The following SCN8A variants were observed in gnomAD, a reference collection of about 807,000 sequenced individuals.
SCN8A encodes the protein sodium voltage-gated channel alpha subunit 8.
SCN8A carries 30 observed loss-of-function variants against 184.1 expected under a neutral mutation model. The observed-to-expected ratio is 0.16, with a 90% CI of 0.12 to 0.22. SCN8A has a LOEUF of 0.22. Ranked by LOEUF, SCN8A falls within the 10% of genes least tolerant of loss-of-function variation. SCN8A has a pLI of 1.00. For synonymous variants in SCN8A, 852 were observed against 907.0 expected (o/e 0.94, Z 1.09); for missense variants, 1,057 against 2,498.9 (o/e 0.42, Z 12.30).
intron 2 of SCN8A, among the ~76,000 whole-genome samples, chr12:51,666,812 C>T (rs769752942): frequency 6.6e-6 from 1 of 152,152 alleles, no homozygotes; most frequent in Non-Finnish European, 1.5e-5. Context: ...AAGTTGTGCA[C>T]CACGTTTTCG....
chr12:51,606,303 A>G (rs1488437574), intron 1 of SCN8A, among the ~76,000 whole-genome samples: 2 of 152,174 alleles, frequency 1.3e-5, no homozygotes, highest in Non-Finnish European at 2.9e-5. Context: ...ATTCTCCTAC[A>G]TGTGGCTAGC....
chr12:51,790,253 C>G (rs533317922), intron 24 of SCN8A, 145 bp from the exon 25 acceptor site: 1 of 538,956 alleles, frequency 1.9e-6, no homozygotes, highest in Non-Finnish European at 3.3e-6. Flanking sequence ...ATGATTATCG[C>G]GGGTCTACCC....
intron 6 of SCN8A, among the ~76,000 whole-genome samples, chr12:51,693,427 A>G (rs1666989285): frequency 6.6e-6 from 1 of 152,220 alleles, no homozygotes; most frequent in Non-Finnish European, 1.5e-5. Context: ...AAATAAATCT[A>G]GAGTCCCCCA....
intron 1 of SCN8A, among the ~76,000 whole-genome samples, chr12:51,633,526 C>G (rs1003395786): frequency 1.3e-5 from 2 of 152,232 alleles, no homozygotes; most frequent in African/African-American, 2.4e-5. Flanking sequence ...AATTCTTAAT[C>G]TAGAATATGT....
intron 1 of SCN8A, among the ~76,000 whole-genome samples, chr12:51,658,318 T>A (rs1940862251): frequency 6.6e-6 from 1 of 152,062 alleles, no homozygotes; most frequent in South Asian, 2.1e-4. Context: ...CCTGGGGAGA[T>A]CTTTCACCTT....
intron 13 of SCN8A, among the ~76,000 whole-genome samples, chr12:51,746,893 AT>A (rs1942519409): frequency 6.6e-6 from 1 of 151,998 alleles, no homozygotes; most frequent in Admixed American, 6.6e-5. Context: ...TCTTCATTGG[AT>A]TTATGTTGAT....
At chr12:51,663,790 T>A (rs1940972040) in intron 2 of SCN8A, among the ~76,000 whole-genome samples, 1 of 152,066 alleles carries the variant, frequency 6.6e-6, no homozygotes, top group South Asian at 2.1e-4. Flanking sequence ...GATTATCTTC[T>A]GAAACAAGGC....
intron 1 of SCN8A, among the ~76,000 whole-genome samples, chr12:51,656,657 C>T (rs1940827146): frequency 6.6e-6 from 1 of 152,056 alleles, no homozygotes; most frequent in South Asian, 2.1e-4. Context: ...AGGAGGATGT[C>T]TAAATGGCCA....
At chr12:51,798,680 A>G (rs1592169783) in intron 26 of SCN8A, among the ~76,000 whole-genome samples, 1 of 152,294 alleles carries the variant, frequency 6.6e-6, no homozygotes, top group South Asian at 2.1e-4. Flanking sequence ...GCCTGGGGAA[A>G]GAGGCTGAGT....
At position 51,795,782 on chromosome 12, in the gene SCN8A, G is replaced by A. The variant is rs671255; in HGVS notation, c.4795+1141G>A. The stretch of plus-strand genomic sequence containing the variant: ...AATTCTGGGCCGGGTGCAGTGGCGC[G>A]TGCCTGTAATCCCAGCACTTTGGGA... On this transcript the variant is annotated intron_variant, in intron 26 of 26. Coordinates refer to ENST00000627620, the MANE Select transcript of SCN8A (RefSeq NM_001330260.2). Among the ~76,000 whole-genome samples the A allele has an allele frequency of 0.62, 93,663 of 151,868 alleles. 31,414 individuals carry two copies. Among genetic ancestry groups the A allele is most frequent in the Non-Finnish European group, 0.76 (51,384 of 67,956 alleles).
At chr12:51,730,812 C>T (rs1490847306) in intron 12 of SCN8A, among the ~76,000 whole-genome samples, 1 of 152,198 alleles carries the variant, frequency 6.6e-6, no homozygotes, top group Non-Finnish European at 1.5e-5. Context: ...TACTTTCTAA[C>T]AATTTTTTTT....
intron 2 of SCN8A, among the ~76,000 whole-genome samples, chr12:51,670,907 A>G (rs914706919): frequency 6.6e-6 from 1 of 152,224 alleles, no homozygotes; most frequent in African/African-American, 2.4e-5. Context: ...GGAACAAAAC[A>G]GACAAGCCAT....
At chr12:51,773,821 T>C (rs1400566295) in intron 19 of SCN8A, among the ~76,000 whole-genome samples, 1 of 151,422 alleles carries the variant, frequency 6.6e-6, no homozygotes, top group Non-Finnish European at 1.5e-5. Context: ...AGAAGGAAAA[T>C]CTAGAGAGAG....
At position 51,733,783 on chromosome 12, in the gene SCN8A, A is replaced by G. The variant is rs533673102; in HGVS notation, c.1998+11875A>G. On this transcript the variant is annotated intron_variant, in intron 12 of 26. Transcript: ENST00000627620. Reference sequence around the variant, plus strand: ...GTCTGTTCAGGTTTTGGATTTCTTCATGGTTCAGTTTTGGTAGGTTGAATG... The same window carrying G: ...GTCTGTTCAGGTTTTGGATTTCTTCGTGGTTCAGTTTTGGTAGGTTGAATG... Among the ~76,000 whole-genome samples the G allele has an allele frequency of 2.0e-5, 3 of 152,090 alleles. No homozygotes were observed. In the East Asian group the frequency reaches 5.8e-4, roughly 29 times the overall value.
chr12:51,655,104 G>A (rs888540469), intron 1 of SCN8A, among the ~76,000 whole-genome samples: 3 of 151,934 alleles, frequency 2.0e-5, no homozygotes, highest in South Asian at 4.1e-4. Flanking sequence ...TTGCTGTGTC[G>A]GCCAGGCTGG....
At chr12:51,751,781 C>T (rs568839109) in intron 14 of SCN8A, among the ~76,000 whole-genome samples, 188 bp downstream of exon 14, 15 of 152,352 alleles carry the variant, frequency 9.8e-5, no homozygotes, top group African/African-American at 3.6e-4. Context: ...TTTCCTCTTT[C>T]TGCAGAACTT....
At chr12:51,697,397 T>G (rs1390464623) in intron 6 of SCN8A, among the ~76,000 whole-genome samples, 1 of 152,258 alleles carries the variant, frequency 6.6e-6, no homozygotes, top group Non-Finnish European at 1.5e-5. Context: ...AAAAATGTAT[T>G]AAGTGGCTGC....
intron 1 of SCN8A, among the ~76,000 whole-genome samples, chr12:51,622,776 G>T (rs561393794): frequency 1.3e-5 from 2 of 152,192 alleles, no homozygotes; most frequent in East Asian, 3.9e-4. Flanking sequence ...CCCACGCTTG[G>T]GGGAGGAGGA....
At chr12:51,728,371 T>A (rs945277970) in intron 12 of SCN8A, among the ~76,000 whole-genome samples, 4 of 152,142 alleles carry the variant, frequency 2.6e-5, no homozygotes, top group Non-Finnish European at 5.9e-5. Context: ...TAAGTCAAAC[T>A]TGCAGGAAGC....
Sources: gnomAD v4.1 joint callset for allele counts (sites outside exome capture counted in the v4.1 genomes callset) on GRCh38, gnomAD v4.1.1 for gene constraint, MANE v1.5 for transcripts, NCBI Gene and HGNC (gene_info 2026-07-23, HGNC 2026-07-21) for gene names.